The following METTL15 variants were observed in gnomAD, a reference collection of about 807,000 sequenced individuals.
The protein encoded by METTL15 is methyltransferase 15, mitochondrial 12S rRNA N4-cytidine.
A neutral mutation model predicts 38.3 loss-of-function variants in METTL15; 34 were observed. The observed-to-expected ratio is 0.89, with a 90% CI of 0.68 to 1.18. The LOEUF (loss-of-function observed/expected upper bound fraction) is 1.18. Among genes scored for constraint, METTL15 ranks in the 50% most tolerant of loss-of-function variants. The pLI is 0.00. For missense variants in METTL15, 438 were observed against 498.4 expected, an observed-to-expected ratio of 0.88 and a Z score of 1.15; for synonymous variants, 162 against 170.9, an observed-to-expected ratio of 0.95 and a Z score of 0.41.
At chr11:28,175,030 T>G (rs1187607750) in intron 3 of METTL15, among the ~76,000 whole-genome samples, 1 of 152,050 alleles carries the variant, frequency 6.6e-6, no homozygotes, top group Non-Finnish European at 1.5e-5. Context: ...ATGTGCCATG[T>G]TGGTGTGCTG....
chr11:28,446,496 A>T (rs561555798), intron 6 of METTL15, among the ~76,000 whole-genome samples: 3 of 152,224 alleles, frequency 2.0e-5, no homozygotes, highest in African/African-American at 7.2e-5. Context: ...ACAGAGAGTT[A>T]TATTTTATCA....
chr11:28,338,127 T>G (rs1406815670), downstream of METTL15, among the ~76,000 whole-genome samples: 1 of 151,980 alleles, frequency 6.6e-6, no homozygotes, highest in African/African-American at 2.4e-5. Flanking sequence ...CAATTTTACT[T>G]GCAACTGCAG....
intron 6 of METTL15, among the ~76,000 whole-genome samples, chr11:28,302,113 A>G (rs1016819347): frequency 6.6e-6 from 1 of 151,964 alleles, no homozygotes; most frequent in South Asian, 2.1e-4. Context: ...AGGTCTCACT[A>G]TATTGACCGT....
intron 6 of METTL15, among the ~76,000 whole-genome samples, chr11:28,522,545 T>C (rs1456500713): frequency 6.6e-6 from 1 of 152,212 alleles, no homozygotes; most frequent in African/African-American, 2.4e-5. Context: ...AATTTAAATA[T>C]TAGTCTCATC....
intron 6 of METTL15, among the ~76,000 whole-genome samples, chr11:28,298,080 A>G (rs1217645984): frequency 6.6e-6 from 1 of 151,982 alleles, no homozygotes; most frequent in African/African-American, 2.4e-5. Context: ...TGAACTTACC[A>G]TTGAGATTTC....
intron 5 of METTL15, among the ~76,000 whole-genome samples, chr11:28,380,016 G>A (rs1404500409): frequency 2.6e-5 from 4 of 151,952 alleles, no homozygotes; most frequent in African/African-American, 4.8e-5. Flanking sequence ...TGATATAAAT[G>A]TAGCTATTCC....
intron 5 of METTL15, among the ~76,000 whole-genome samples, chr11:28,418,887 GA>G (rs1334589913): frequency 1.3e-5 from 2 of 152,146 alleles, no homozygotes; most frequent in African/African-American, 2.4e-5. Context: ...TAGCCAGAGG[GA>G]AATCACCCAT....
chr11:28,175,127 G>T (rs374235153), intron 3 of METTL15, among the ~76,000 whole-genome samples: 2 of 150,308 alleles, frequency 1.3e-5, no homozygotes, highest in African/African-American at 4.9e-5. Context: ...GCCCCGATGT[G>T]TGATGTTCCC....
intron 4 of METTL15, among the ~76,000 whole-genome samples, chr11:28,275,004 G>T (rs1007476238): frequency 6.0e-5 from 9 of 150,854 alleles, no homozygotes; most frequent in Non-Finnish European, 1.3e-4. Context: ...AGTAATATAT[G>T]GCTTACATCA....
chr11:28,165,857 A>G (rs1348150853), intron 3 of METTL15, among the ~76,000 whole-genome samples: 2 of 152,126 alleles, frequency 1.3e-5, no homozygotes, highest in Non-Finnish European at 2.9e-5. Context: ...ATCCACTTTT[A>G]TTCTTCTGTA....
At chr11:28,419,663 A>C (rs996407842) in intron 5 of METTL15, among the ~76,000 whole-genome samples, 1 of 152,186 alleles carries the variant, frequency 6.6e-6, no homozygotes, top group African/African-American at 2.4e-5. Context: ...TACCAAATGA[A>C]CTAAATAAGG....
At chr11:28,272,108 A>T (rs1855666191) in intron 4 of METTL15, among the ~76,000 whole-genome samples, 1 of 152,348 alleles carries the variant, frequency 6.6e-6, no homozygotes, top group African/African-American at 2.4e-5. Flanking sequence ...GAACGCTCTT[A>T]CACTGTTGGT....
intron 5 of METTL15, among the ~76,000 whole-genome samples, chr11:28,394,794 TTG>T (rs767064244): frequency 1.3e-5 from 2 of 152,112 alleles, no homozygotes; most frequent in Admixed American, 6.6e-5. Flanking sequence ...TTTTCTGTAA[TTG>T]TTAGTTTGTG....
chr11:28,505,377 C>T (rs118188356), intron 6 of METTL15, among the ~76,000 whole-genome samples: 6,608 of 152,268 alleles, frequency 0.043, 179 homozygotes, highest in Non-Finnish European at 0.062. Context: ...GGACGATTTA[C>T]TGACACGGAT....
intron 5 of METTL15, among the ~76,000 whole-genome samples, chr11:28,394,488 G>A (rs930570008): frequency 1.3e-5 from 2 of 151,956 alleles, no homozygotes; most frequent in Admixed American, 6.6e-5. Flanking sequence ...CAAGGAGGGG[G>A]GTGGAAGTTA....
intron 5 of METTL15, among the ~76,000 whole-genome samples, chr11:28,398,075 C>G (rs552888397): frequency 6.6e-6 from 1 of 151,830 alleles, no homozygotes; most frequent in East Asian, 1.9e-4. Flanking sequence ...ATATCACACA[C>G]CAGGGCCTGT....
At chr11:28,382,233 G>A (rs1850394059) in intron 5 of METTL15, among the ~76,000 whole-genome samples, 1 of 152,184 alleles carries the variant, frequency 6.6e-6, no homozygotes, top group East Asian at 1.9e-4. Flanking sequence ...ACAGTGTGGT[G>A]CCACTGAACA....
intron 4 of METTL15, among the ~76,000 whole-genome samples, chr11:28,260,562 A>G (rs1256898891): frequency 1.3e-5 from 2 of 152,090 alleles, no homozygotes; most frequent in Non-Finnish European, 2.9e-5. Context: ...ATCAACAACT[A>G]TTTGTTGACT....
intron 4 of METTL15, among the ~76,000 whole-genome samples, chr11:28,233,835 G>C (rs1853801932): frequency 6.6e-6 from 1 of 151,218 alleles, no homozygotes; most frequent in East Asian, 1.9e-4. Flanking sequence ...TTAAGTTTTA[G>C]GGTACATGTG....
Sources: gnomAD v4.1 joint callset for allele counts (sites outside exome capture counted in the v4.1 genomes callset) on GRCh38, gnomAD v4.1.1 for gene constraint, MANE v1.5 for transcripts, NCBI Gene and HGNC (gene_info 2026-07-23, HGNC 2026-07-21) for gene names.